Variants in GAD2 observed in about 807,000 individuals in gnomAD.
GAD2 encodes the protein glutamate decarboxylase 2.
In GAD2, 22 loss-of-function variants were observed where a neutral mutation model predicts 80.1. The ratio of observed to expected loss-of-function variants is 0.27; its 90% CI spans 0.20 to 0.39. The LOEUF (loss-of-function observed/expected upper bound fraction) is 0.39, where lower values mean the gene tolerates loss of function less well. Ranked by LOEUF, GAD2 falls within the 10% of genes least tolerant of loss-of-function variation. GAD2 has a pLI of 1.00. For synonymous variants in GAD2, 274 were observed against 256.9 expected (o/e 1.07, Z -0.64); for missense variants, 624 against 738.4 (o/e 0.85, Z 1.80).
At chr10:26,256,248 TTATA>T (rs536177329) in intron 8 of GAD2, among the ~76,000 whole-genome samples, 2 of 150,434 alleles carry the variant, frequency 1.3e-5, no homozygotes, top group Admixed American at 6.7e-5. Flanking sequence ...TATATGCATA[TTATA>T]TATATATATA....
At position 26,216,951 on chromosome 10, in the gene GAD2, G is replaced by C; in HGVS notation, c.76+66G>C. 3 of 1,398,400 alleles carry C rather than the reference G, an allele frequency of 2.1e-6. No individual in the cohort carries two copies. Among genetic ancestry groups the C allele is most frequent in the Non-Finnish European group, 3.0e-6 (3 of 1,001,600 alleles). The allele number at this position is 1,398,400 out of a possible 1,614,324, so 86.6% of individuals were successfully genotyped here. ...GGTGGTCTGGGGTTTGCGGAACTAC[G>C]GAGAAGACGAAGGAGGTTTTTCCAC... On this transcript the variant is annotated intron_variant, in intron 1 of 15. Transcript: ENST00000376261. The surrounding 1 kb of genome is among the most constrained non-coding windows in gnomAD (Gnocchi z 4.7).
chr10:26,238,661 G>A (rs11015008), intron 7 of GAD2, among the ~76,000 whole-genome samples: 25,087 of 152,172 alleles, frequency 0.16, 2,543 homozygotes, highest in Middle Eastern at 0.3. Flanking sequence ...CATCACCTGC[G>A]AATCACACAG....
chr10:26,257,642 C>G (rs1054422160), intron 8 of GAD2, among the ~76,000 whole-genome samples: 10 of 152,150 alleles, frequency 6.6e-5, no homozygotes, highest in African/African-American at 2.4e-4. Flanking sequence ...ATACCTACTA[C>G]TAGTAGGTAT....
intron 7 of GAD2, among the ~76,000 whole-genome samples, chr10:26,241,969 ATTTGTTTG>A (rs113962077): frequency 4.6e-5 from 7 of 151,552 alleles, no homozygotes; most frequent in South Asian, 2.1e-4. Flanking sequence ...CACTGGTTCC[ATTTGTTTG>A]TTTGTTTGTT....
intron 15 of GAD2, among the ~76,000 whole-genome samples, chr10:26,296,920 AT>A (rs34714031): frequency 0.24 from 35,515 of 148,016 alleles, 4,642 homozygotes; most frequent in African/African-American, 0.36. Flanking sequence ...GCATATTAGA[AT>A]TTTTTTTTTT....
At chr10:26,236,188 G>A (rs570074185) in intron 7 of GAD2, among the ~76,000 whole-genome samples, 48 of 152,076 alleles carry the variant, frequency 3.2e-4, no homozygotes, top group African/African-American at 1.1e-3. Flanking sequence ...ATCATGGCTC[G>A]CTGAAGCTTC....
intron 9 of GAD2, 58 bp from the exon 10 acceptor site, chr10:26,270,582 T>G: frequency 7.9e-7 from 1 of 1,259,136 alleles, no homozygotes; most frequent in Non-Finnish European, 1.2e-6. Flanking sequence ...TTGAATCAGC[T>G]TTTTAAAAGA....
At chr10:26,237,739 G>T (rs1051560399) in intron 7 of GAD2, among the ~76,000 whole-genome samples, 5 of 152,134 alleles carry the variant, frequency 3.3e-5, no homozygotes, top group East Asian at 1.9e-4. Context: ...CGGGTGCAGT[G>T]GTTCATGCCT....
At chr10:26,262,506 A>G (rs1013825950) in intron 8 of GAD2, among the ~76,000 whole-genome samples, 13 of 151,674 alleles carry the variant, frequency 8.6e-5, no homozygotes, top group African/African-American at 2.9e-4. Flanking sequence ...GATATTTTCA[A>G]TGTCCCATCT....
At chr10:26,276,522 C>T (rs1845209148) in intron 11 of GAD2, among the ~76,000 whole-genome samples, 1 of 152,098 alleles carries the variant, frequency 6.6e-6, no homozygotes, top group Admixed American at 6.6e-5. Context: ...GCTGGGGTTA[C>T]AGGTATGCGC....
rs1330643993 is a variant in GAD2 at position 26,302,979 on chromosome 10, T to C, written c.*2018T>C. The C allele has an allele frequency of 6.6e-6, 1 of 152,218 alleles. No homozygotes were observed. The highest frequency in any genetic ancestry group is 6.5e-5 in the Admixed American group (1 of 15,282). The allele number at this position is 152,218 out of a possible 1,614,324, so 9.4% of individuals were successfully genotyped here. ...TGCCTGCTGAGAATAAGCACATAGC[T>C]GCCCGACTATCCGGAGCCTCAGGCC... On this transcript the variant is annotated 3_prime_UTR_variant, in exon 16 of 16. Transcript: ENST00000376261.
chr10:26,248,988 G>T (rs1246068421), intron 8 of GAD2, among the ~76,000 whole-genome samples: 1 of 151,728 alleles, frequency 6.6e-6, no homozygotes, highest in African/African-American at 2.4e-5. Flanking sequence ...CCAGTAGGAG[G>T]CCCTAGCAAT....
chr10:26,297,292 C>T (rs1272582735), intron 15 of GAD2, among the ~76,000 whole-genome samples: 1 of 152,096 alleles, frequency 6.6e-6, no homozygotes, highest in Non-Finnish European at 1.5e-5. Flanking sequence ...TCGCAGTCTT[C>T]CAAAATGTAA....
chr10:26,293,607 A>G (rs548074943), intron 15 of GAD2, among the ~76,000 whole-genome samples: 2 of 152,338 alleles, frequency 1.3e-5, no homozygotes, highest in East Asian at 3.9e-4. Flanking sequence ...AAGTTCATTG[A>G]TGTTCCAAGT....
intron 15 of GAD2, among the ~76,000 whole-genome samples, chr10:26,295,772 T>C (rs528947427): frequency 6.6e-6 from 1 of 152,166 alleles, no homozygotes; most frequent in Non-Finnish European, 1.5e-5. Context: ...CTGCACAGAG[T>C]TCTGTTGGTC....
intron 8 of GAD2, among the ~76,000 whole-genome samples, chr10:26,264,204 T>C (rs1046146973): frequency 6.6e-6 from 1 of 152,078 alleles, no homozygotes; most frequent in East Asian, 1.9e-4. Context: ...CTGAGACAAA[T>C]ACTATTATCT....
chr10:26,294,737 C>T (rs1424640457), intron 15 of GAD2, among the ~76,000 whole-genome samples: 1 of 151,990 alleles, frequency 6.6e-6, no homozygotes, highest in Non-Finnish European at 1.5e-5. Context: ...GAAATCAAGC[C>T]CACAGGGTGG....
At chr10:26,226,639 G>T (rs994768683) in intron 6 of GAD2, among the ~76,000 whole-genome samples, 4 of 152,174 alleles carry the variant, frequency 2.6e-5, no homozygotes, top group African/African-American at 7.2e-5. Flanking sequence ...TTAAGGGGTG[G>T]GGATAGAGAA....
chr10:26,292,980 C>T lies in GAD2; in HGVS notation c.1573C>T (p.Arg525Cys), dbSNP rs762107590. 1.6e-5 allele frequency: 25 copies of T among 1,612,628 alleles called. No individual in the cohort carries two copies. The highest frequency in any genetic ancestry group is 3.3e-5 in the South Asian group (3 of 91,034). The change falls in exon 15 of 16, where the codon CGC becomes TGC. Residue 525 changes from arginine (R) to cysteine (C), a missense_variant. Physicochemically the swap from Arg to Cys is radical, Grantham distance 180. Coordinates refer to ENST00000376261, the MANE Select transcript of GAD2 (RefSeq NM_001134366.2). ...GGAAGACAATGAAGAGAGAATGAGTCGCCTCTCGAAGGTCAGTGCTCCAAG... is the reference window on the plus strand; with the variant it reads ...GGAAGACAATGAAGAGAGAATGAGTTGCCTCTCGAAGGTCAGTGCTCCAAG... Reference protein sequence around the residue: ...TLEDNEERMSRLSKVAPVIKA... With the variant: ...TLEDNEERMSCLSKVAPVIKA...
Sources: gnomAD v4.1 joint callset for allele counts (sites outside exome capture counted in the v4.1 genomes callset) on GRCh38, gnomAD v4.1.1 for gene constraint, Gnocchi (gnomAD v3.1) non-coding constraint, MANE v1.5 for transcripts, NCBI Gene and HGNC (gene_info 2026-07-23, HGNC 2026-07-21) for gene names.